SEC16A: variants seen among roughly 807,000 people sequenced by gnomAD.
SEC16A encodes the protein protein transport protein Sec16A.
In SEC16A, 110 loss-of-function variants were observed where a neutral mutation model predicts 221.9. That is an observed-to-expected ratio of 0.50 (90% CI 0.42 to 0.58). SEC16A has a LOEUF of 0.58. Ranked by LOEUF, SEC16A falls within the 20% of genes least tolerant of loss-of-function variation. The pLI is 0.00. For synonymous variants in SEC16A, 1,393 were observed against 1,257.7 expected (o/e 1.11, Z -2.28); for missense variants, 3,165 against 3,097.8 (o/e 1.02, Z -0.52).
At chr9:136,463,419 A>G (rs769604765) in intron 11 of SEC16A, 44 bp downstream of exon 11, 1 of 1,599,292 alleles carries the variant, frequency 6.3e-7, no homozygotes, top group South Asian at 1.1e-5. Context: ...AGACGAAATG[A>G]AGACCAGCAA....
Position 136,459,203 on chromosome 9 carries a change from G to T in SEC16A, c.5340C>A (p.Ile1780=), listed in dbSNP as rs755820398. The T allele has an allele frequency of 6.6e-5, 106 of 1,613,884 alleles. 1 individual carries two copies. Among genetic ancestry groups the T allele is most frequent in the Non-Finnish European group, 8.9e-5 (105 of 1,179,792 alleles). ...CGTACTCATAGGCTTCCGTCCTCTG[G>T]ATTGCTTCGTTGGTTGCGAACTTTA... is the stretch of plus-strand genomic sequence containing the variant. ...PFLKFATNEA[I]QRTEAYEYAQ... is the part of the protein sequence containing the mutation. The change falls in exon 17 of 32, where the codon ATC becomes ATA. Residue 1780 remains isoleucine (I), a synonymous_variant. Transcript: ENST00000684901. This position sits in a 1 kb window ranked among gnomAD's most constrained non-coding sequence, Gnocchi z 6.1.
chr9:136,483,598 A>G, upstream of SEC16A: 1 of 984,980 alleles, frequency 1.0e-6, no homozygotes, highest in Non-Finnish European at 1.2e-6. Context: ...TCTTTCTCCC[A>G]GTCTTTTTTC....
At chr9:136,458,136 T>C (rs1838957454) in intron 17 of SEC16A, among the ~76,000 whole-genome samples, 2 of 150,222 alleles carry the variant, frequency 1.3e-5, no homozygotes, top group South Asian at 4.2e-4. Context: ...TTGTATTTTT[T>C]TTTTTTTTTT....
At position 136,475,341 on chromosome 9, in the gene SEC16A, G is replaced by T; in HGVS notation, c.2275C>A (p.Gln759Lys). 6.2e-7 allele frequency: 1 copy of T among 1,610,654 alleles called. No homozygotes were observed. The highest frequency in any genetic ancestry group is 8.5e-7 in the Non-Finnish European group (1 of 1,177,578). ...CCGGACATCGCCTCTTCTGGAGGCTGAACAACAGGTGGCTGAGGTTTTGCA... is the reference window on the plus strand; with the variant it reads ...CCGGACATCGCCTCTTCTGGAGGCTTAACAACAGGTGGCTGAGGTTTTGCA... The part of the protein sequence containing the change: ...VCAKPQPPVV[Q>K]PPEEAMSGQQ... The change falls in exon 3 of 32, where the codon CAG becomes AAG. Residue 759 changes from glutamine to lysine, a missense_variant. Coordinates refer to ENST00000684901, the MANE Select transcript of SEC16A (RefSeq NM_014866.2). This position sits in a 1 kb window ranked among gnomAD's most constrained non-coding sequence, Gnocchi z 5.0.
chr9:136,466,335 A>C lies in SEC16A; in HGVS notation c.4057T>G (p.Ser1353Ala), dbSNP rs1324386654. The change falls in exon 7 of 32, where the codon TCG becomes GCG. Residue 1353 changes from serine to alanine, a missense_variant. Ser to Ala is a moderately conservative substitution (Grantham distance 99). Around this residue, in one of 3 missense-constraint regions of SEC16A, gnomAD observed 2,030 missense variants for 1,923.1 expected, o/e 1.06. Coordinates refer to ENST00000684901, the MANE Select transcript of SEC16A (RefSeq NM_014866.2). The surrounding 1 kb of genome is among the most constrained non-coding windows in gnomAD (Gnocchi z 5.5). The part of the protein sequence containing the change: ...VDRRSVHSEH[S>A]ARSLHSAHSL... ...TGTGCGCTGTGCAGGCTCCGTGCCGAGTGCTCGCTGTGGACGCTGCGCCGG... is the reference window on the plus strand; with the variant it reads ...TGTGCGCTGTGCAGGCTCCGTGCCGCGTGCTCGCTGTGGACGCTGCGCCGG... The C allele has an allele frequency of 6.4e-7, 1 of 1,574,794 alleles. No homozygotes were observed.
intron 23 of SEC16A, among the ~76,000 whole-genome samples, chr9:136,450,495 C>T (rs1246977991): frequency 6.6e-6 from 1 of 151,404 alleles, no homozygotes; most frequent in Non-Finnish European, 1.5e-5. Flanking sequence ...AAAAAAACAA[C>T]GGATAGAGAC....
In SEC16A at chr9:136,468,509, T is replaced by C. The variant is rs1588972791; in HGVS notation, c.3708A>G (p.Gln1236=). The change falls in exon 5 of 32, where the codon CAA becomes CAG. Residue 1236 remains glutamine (Q), a synonymous_variant. Coordinates refer to ENST00000684901, the MANE Select transcript of SEC16A (RefSeq NM_014866.2). ...SHSSERPPPR[Q]GYPEGYYSSK... is the part of the protein sequence containing the mutation. The stretch of plus-strand genomic sequence containing the variant: ...AACTATAGTATCCTTCAGGATATCC[T>C]TGCCTGAAAAAACACACAGTGCTGT... 6.2e-7 allele frequency: 1 copy of C among 1,605,960 alleles called. No individual in the cohort carries two copies. The highest frequency in any genetic ancestry group is 1.1e-5 in the South Asian group (1 of 90,694).
chr9:136,470,215 C>A (rs893728468), intron 4 of SEC16A, among the ~76,000 whole-genome samples: 1 of 152,334 alleles, frequency 6.6e-6, no homozygotes. Context: ...TGAAGGCAGC[C>A]GCAGGATCCG....
At chr9:136,458,130 ATTTTT>A (rs1222002410) in intron 17 of SEC16A, among the ~76,000 whole-genome samples, 4 of 116,224 alleles carry the variant, frequency 3.4e-5, no homozygotes, top group East Asian at 2.5e-4. Flanking sequence ...TAATTTTTGT[ATTTTT>A]TTTTTTTTTT....
intron 3 of SEC16A, among the ~76,000 whole-genome samples, chr9:136,472,559 A>T (rs1336374745): frequency 6.6e-6 from 1 of 152,208 alleles, no homozygotes; most frequent in Non-Finnish European, 1.5e-5. Flanking sequence ...CACCTCAGTT[A>T]AGTCAGAGAA....
rs567682784 is a variant in SEC16A at position 136,476,678 on chromosome 9, G to C, written c.938C>G (p.Ala313Gly). 6.4e-7 allele frequency: 1 copy of C among 1,570,360 alleles called. No individual in the cohort carries two copies. The highest frequency in any genetic ancestry group is 1.4e-5 in the African/African-American group (1 of 74,018). Residue 313 changes from alanine to glycine, a missense_variant, in exon 3 of 32, where the codon GCA becomes GGA. This residue lies in a region of SEC16A where 2,030 missense variants were observed against 1,923.1 expected (regional missense o/e 1.06). Transcript: ENST00000684901. ...TGGATTCTGCCTGAGCTCTGGGCTT[G>C]CCCAGTGATTCACAATTCTGGGATT... Reference protein sequence around the residue: ...RQNPRIVNHWASPELRQNPGV... With the variant: ...RQNPRIVNHWGSPELRQNPGV...
In SEC16A at chr9:136,447,989, A is replaced by G. The variant is rs953847958; in HGVS notation, c.6391-80T>C. 5 of 1,511,966 alleles carry G rather than the reference A, an allele frequency of 3.3e-6. No individual in the cohort carries two copies. In the African/African-American group the frequency reaches 5.5e-5, roughly 17 times the overall value. 93.7% of individuals were successfully genotyped at this position (1,511,966 alleles called of 1,614,324 possible). ...GCATCTGATTAATGATGACACTTCA[A>G]AACTTCAGGAAACACCTACTCAGGT... On this transcript the variant is annotated intron_variant, in intron 24 of 31. Coordinates refer to ENST00000684901, the MANE Select transcript of SEC16A (RefSeq NM_014866.2). The surrounding 1 kb of genome is among the most constrained non-coding windows in gnomAD (Gnocchi z 5.5).
chr9:136,477,102 C>T lies in SEC16A; in HGVS notation c.514G>A (p.Gly172Arg). 1 of 1,613,846 alleles carries T rather than the reference C, an allele frequency of 6.2e-7. No homozygotes were observed. Among genetic ancestry groups the T allele is most frequent in the Non-Finnish European group, 8.5e-7 (1 of 1,179,882 alleles). Reference protein sequence around the residue: ...IPGVDPETSHGGHPHGNMPGL... With the variant: ...IPGVDPETSHRGHPHGNMPGL... ...GGCATGTTCCCATGAGGGTGGCCCC[C>T]ATGAGACGTTTCAGGATCCACTCCT... is the stretch of plus-strand genomic sequence containing the variant. The change falls in exon 3 of 32, where the codon GGG (glycine) becomes AGG (arginine). Residue 172 changes from glycine (G) to arginine (R), a missense_variant. Coordinates refer to ENST00000684901, the MANE Select transcript of SEC16A (RefSeq NM_014866.2).
Position 136,447,176 on chromosome 9 carries a change from G to C in SEC16A, c.6697+51C>G, listed in dbSNP as rs1040573239. On this transcript the variant is annotated intron_variant, in intron 27 of 31. Coordinates refer to ENST00000684901, the MANE Select transcript of SEC16A (RefSeq NM_014866.2). The surrounding 1 kb of genome is among the most constrained non-coding windows in gnomAD (Gnocchi z 5.5). ...AGAGACTCATAGAAAGAGGATCAAA[G>C]GTCAGGAGACTGGGGGCTGACCTGG... is the stretch of plus-strand genomic sequence containing the variant. The C allele has an allele frequency of 2.5e-5, 39 of 1,563,372 alleles. No homozygotes were observed. Among genetic ancestry groups the C allele is most frequent in the Non-Finnish European group, 2.9e-5 (34 of 1,153,492 alleles).
Position 136,447,625 on chromosome 9 carries a change from G to A in SEC16A, c.6503C>T (p.Pro2168Leu), listed in dbSNP as rs370335440. ...TCCAGGAGGCCCTGGGAGGGCAGGC[G>A]GGGCAGCTTGCACAGTCTTGGGCAT... ...TSMPKTVQAA[P>L]PALPGPPGAP... Residue 2168 changes from proline (P) to leucine (L), a missense_variant, in exon 26 of 32, where the codon CCG becomes CTG. Physicochemically the swap from Pro to Leu is moderately conservative, Grantham distance 98. Coordinates refer to ENST00000684901, the MANE Select transcript of SEC16A (RefSeq NM_014866.2). This position sits in a 1 kb window ranked among gnomAD's most constrained non-coding sequence, Gnocchi z 5.5. The A allele has an allele frequency of 8.1e-5, 131 of 1,613,820 alleles. No homozygotes were observed. In the African/African-American group the frequency reaches 1.0e-3, roughly 13 times the overall value.
intron 21 of SEC16A, 64 bp downstream of exon 21, chr9:136,454,045 A>G: frequency 1.4e-6 from 2 of 1,389,088 alleles, no homozygotes; most frequent in Non-Finnish European, 2.0e-6. Context: ...CTCTTCCACC[A>G]ATCCCCACAA....
rs1376119979 is a variant in SEC16A at position 136,468,486 on chromosome 9, C to A, written c.3731G>T (p.Ser1244Ile). ...CTGACTGCTCCATCCACTTTTGGAA[C>A]TATAGTATCCTTCAGGATATCCTTG... ...PRQGYPEGYY[S>I]SKSGWSSQSD... is the part of the protein sequence containing the mutation. Residue 1244 changes from serine (S) to isoleucine (I), a missense_variant, in exon 5 of 32, where the codon AGT (serine) becomes ATT (isoleucine). By Grantham distance (142) the Ser-to-Ile change is moderately radical (BLOSUM62 -2). Transcript: ENST00000684901. The A allele has an allele frequency of 6.2e-7, 1 of 1,612,100 alleles. No homozygotes were observed. Among genetic ancestry groups the A allele is most frequent in the African/African-American group, 1.3e-5 (1 of 74,900 alleles).
At chr9:136,481,263 G>A (rs944775312) in intron 1 of SEC16A, among the ~76,000 whole-genome samples, 4 of 150,620 alleles carry the variant, frequency 2.7e-5, no homozygotes, top group African/African-American at 9.7e-5. Context: ...AGCCTCCAGC[G>A]TAGCTGGGAC....
At chr9:136,465,485 A>C (rs187120773) in intron 8 of SEC16A, among the ~76,000 whole-genome samples, 65 of 152,330 alleles carry the variant, frequency 4.3e-4, no homozygotes, top group Admixed American at 3.6e-3. Context: ...AAAAAAACTC[A>C]GCCTACCATT....
Sources: allele counts gnomAD v4.1 joint callset (sites outside exome capture counted in the v4.1 genomes callset), GRCh38; gene constraint gnomAD v4.1.1; regional missense constraint gnomAD v4.1.1; non-coding constraint Gnocchi (gnomAD v3.1); transcripts MANE v1.5; gene names NCBI Gene and HGNC (gene_info 2026-07-23, HGNC 2026-07-21).